Variants in NRG1 observed in about 807,000 individuals in gnomAD.
NRG1 encodes neuregulin 1, also known as pro-neuregulin-1, membrane-bound isoform.
In NRG1, 18 loss-of-function variants were observed where a neutral mutation model predicts 63.8. The ratio of observed to expected loss-of-function variants is 0.28; its 90% CI spans 0.19 to 0.42. The LOEUF (loss-of-function observed/expected upper bound fraction) is 0.42, where lower values mean the gene tolerates loss of function less well. Among genes scored for constraint, NRG1 ranks in the 10% least tolerant of loss-of-function variants. The pLI is 1.00. For synonymous variants in NRG1, 302 were observed against 301.3 expected (o/e 1.00, Z -0.02); for missense variants, 762 against 814.7 (o/e 0.94, Z 0.79).
intron 1 of NRG1, among the ~76,000 whole-genome samples, chr8:32,227,787 G>C (rs1161465515): frequency 1.3e-5 from 2 of 152,080 alleles, no homozygotes; most frequent in Non-Finnish European, 2.9e-5. Context: ...TTAGGAATGT[G>C]CTCTAACCAC....
At chr8:32,374,859 A>T (rs1353130136) in intron 1 of NRG1, among the ~76,000 whole-genome samples, 1 of 152,104 alleles carries the variant, frequency 6.6e-6, no homozygotes, top group African/African-American at 2.4e-5. Context: ...CTTCTGGGGG[A>T]TAGTGGAGGA....
chr8:31,919,276 T>C (rs1288690261), intron 1 of NRG1, among the ~76,000 whole-genome samples: 4 of 152,004 alleles, frequency 2.6e-5, no homozygotes, highest in African/African-American at 9.7e-5. Context: ...TAAATATTTG[T>C]TATATTTTTT....
intron 1 of NRG1, among the ~76,000 whole-genome samples, chr8:32,270,157 A>T (rs150704806): frequency 7.9e-5 from 12 of 152,356 alleles, no homozygotes; most frequent in Non-Finnish European, 1.2e-4. Context: ...GAAACAAGTT[A>T]TATCTAAATA....
intron 1 of NRG1, among the ~76,000 whole-genome samples, chr8:32,383,417 C>T (rs1157892318): frequency 6.6e-6 from 1 of 152,122 alleles, no homozygotes; most frequent in African/African-American, 2.4e-5. Context: ...AGGGTAGCCA[C>T]CAGAGGGCTA....
rs78791971 is a variant in NRG1, at chr8:31,714,717, C to G, written c.37+75286C>G. 1.3e-3 allele frequency among the ~76,000 whole-genome samples: 191 copies of G among 152,234 alleles called. 2 individuals carry two copies. The East Asian group carries it at 0.032, about 26-fold the overall frequency. ...ATTCATCTATCTATCTGTCTATCAC[C>G]TTATCTAGTACTATTCCCTCAAATT... On this transcript the variant is annotated intron_variant, in intron 1 of 10. Transcript: ENST00000519301.
At chr8:32,281,882 G>A (rs1563266680) in intron 1 of NRG1, among the ~76,000 whole-genome samples, 1 of 152,174 alleles carries the variant, frequency 6.6e-6, no homozygotes, top group African/African-American at 2.4e-5. Context: ...TACAAAATTG[G>A]TTGAAGAGGA....
intron 1 of NRG1, among the ~76,000 whole-genome samples, chr8:31,952,130 G>A (rs778872191): frequency 2.0e-5 from 3 of 152,146 alleles, no homozygotes; most frequent in African/African-American, 7.2e-5. Flanking sequence ...AGTATTATAG[G>A]ATGTTTCCTC....
intron 1 of NRG1, among the ~76,000 whole-genome samples, chr8:32,204,903 T>C (rs1303634165): frequency 6.6e-6 from 1 of 152,198 alleles, no homozygotes; most frequent in Non-Finnish European, 1.5e-5. Context: ...TTCAAAATCA[T>C]ATCTATAGCA....
chr8:31,998,335 G>A (rs1229301696), intron 1 of NRG1, among the ~76,000 whole-genome samples: 1 of 151,924 alleles, frequency 6.6e-6, no homozygotes, highest in South Asian at 2.1e-4. Flanking sequence ...GCTGTGCTAA[G>A]TATCTGAATA....
intron 5 of NRG1, among the ~76,000 whole-genome samples, chr8:32,725,715 C>G (rs1216539284): frequency 2.6e-5 from 4 of 151,792 alleles, no homozygotes; most frequent in African/African-American, 9.7e-5. Context: ...ACCTCATGAT[C>G]CTCCCATCTC....
At chr8:32,240,512 G>A (rs1847992290) in intron 1 of NRG1, among the ~76,000 whole-genome samples, 2 of 151,962 alleles carry the variant, frequency 1.3e-5, no homozygotes, top group Admixed American at 1.3e-4. Flanking sequence ...CTACATATGT[G>A]ATAACATTTG....
At chr8:32,670,819 A>G (rs1278289969) in intron 5 of NRG1, among the ~76,000 whole-genome samples, 1 of 152,192 alleles carries the variant, frequency 6.6e-6, no homozygotes, top group Admixed American at 6.5e-5. Flanking sequence ...TCACACATCC[A>G]TGGGTAAGCA....
At chr8:31,986,298 G>A (rs1194772675) in intron 1 of NRG1, among the ~76,000 whole-genome samples, 1 of 152,024 alleles carries the variant, frequency 6.6e-6, no homozygotes, top group African/African-American at 2.4e-5. Context: ...CAGACAAGGG[G>A]AAGAGGAAGT....
chr8:31,639,846 C>T, intron 1 of NRG1: 2 of 1,145,468 alleles, frequency 1.7e-6, no homozygotes, highest in Non-Finnish European at 2.1e-6. Flanking sequence ...ACCCCTGCAC[C>T]CCCAATAAAT....
At chr8:32,295,183 T>C (rs1854690536) in intron 1 of NRG1, among the ~76,000 whole-genome samples, 1 of 152,180 alleles carries the variant, frequency 6.6e-6, no homozygotes, top group African/African-American at 2.4e-5. Flanking sequence ...GATTAAAATT[T>C]GATAAGCTTT....
intron 1 of NRG1, among the ~76,000 whole-genome samples, chr8:31,797,551 G>A (rs1302699403): frequency 6.6e-6 from 1 of 152,182 alleles, no homozygotes; most frequent in African/African-American, 2.4e-5. Context: ...AAATAGTAGA[G>A]AGGCTTCTCA....
chr8:32,233,562 TA>T (rs1456881460), intron 1 of NRG1, among the ~76,000 whole-genome samples: 692 of 48,676 alleles, frequency 0.014, 3 homozygotes, highest in African/African-American at 0.055. Flanking sequence ...TATATATATA[TA>T]TTTTTTTTTT....
At chr8:32,391,730 T>C (rs938692250) in intron 1 of NRG1, among the ~76,000 whole-genome samples, 2 of 152,202 alleles carry the variant, frequency 1.3e-5, no homozygotes, top group African/African-American at 4.8e-5. Context: ...TTCCATGCTG[T>C]ATATGTACCA....
intron 1 of NRG1, among the ~76,000 whole-genome samples, chr8:32,070,620 ACT>A (rs151332329): frequency 0.012 from 1,777 of 152,166 alleles, 35 homozygotes; most frequent in African/African-American, 0.041. Context: ...TGTTATTTCT[ACT>A]TCAAAATGCA....
Sources: allele counts gnomAD v4.1 joint callset (sites outside exome capture counted in the v4.1 genomes callset), GRCh38; gene constraint gnomAD v4.1.1; transcripts MANE v1.5; gene names NCBI Gene and HGNC (gene_info 2026-07-23, HGNC 2026-07-21).